CCDC146: variants seen among roughly 807,000 people sequenced by gnomAD.
CCDC146 encodes the protein coiled-coil domain containing 146.
In CCDC146, 92 loss-of-function variants were observed where a neutral mutation model predicts 119.3. That is an observed-to-expected ratio of 0.77 (90% CI 0.65 to 0.92). The LOEUF is 0.92. Ranked by LOEUF, CCDC146 falls within the 40% of genes least tolerant of loss-of-function variation. The pLI is 0.00. For synonymous variants in CCDC146, 372 were observed against 371.8 expected, an observed-to-expected ratio of 1.00 and a Z score of -0.01; for missense variants, 1,000 against 1,103.0, an observed-to-expected ratio of 0.91 and a Z score of 1.32.
intron 9 of CCDC146, among the ~76,000 whole-genome samples, chr7:77,265,394 A>C (rs1023260185): frequency 1.3e-5 from 2 of 152,358 alleles, no homozygotes; most frequent in East Asian, 3.9e-4. Flanking sequence ...TAGTAAGTAA[A>C]GTTAATCCAT....
At chr7:77,189,687 C>A (rs1245725872) in intron 2 of CCDC146, among the ~76,000 whole-genome samples, 1 of 152,310 alleles carries the variant, frequency 6.6e-6, no homozygotes, top group East Asian at 1.9e-4. Context: ...TCTCACCACC[C>A]CAGACCCTCT....
chr7:77,199,639 G>A, intron 2 of CCDC146: 1 of 1,614,086 alleles, frequency 6.2e-7, no homozygotes, highest in Admixed American at 1.7e-5. Flanking sequence ...GCACTCCCCT[G>A]CCTCTTCGCA....
At chr7:77,124,074 A>G (rs1024605301) in intron 1 of CCDC146, among the ~76,000 whole-genome samples, 4 of 152,242 alleles carry the variant, frequency 2.6e-5, no homozygotes, top group African/African-American at 7.2e-5. Context: ...GAAACACTAG[A>G]CATTTTTAGA....
intron 1 of CCDC146, among the ~76,000 whole-genome samples, chr7:77,146,874 G>C (rs1465233774): frequency 6.6e-6 from 1 of 152,128 alleles, no homozygotes; most frequent in Non-Finnish European, 1.5e-5. Flanking sequence ...TGGTGAATCT[G>C]ACAATTATGT....
In CCDC146 at chr7:77,293,071, A is replaced by C. The variant is rs1793979825; in HGVS notation, c.2535A>C (p.Glu845Asp). The stretch of plus-strand genomic sequence containing the variant: ...TCCAAAAGGAAGTCAGGGAGAAAGA[A>C]GACTTCATCTTCACTTGCAATTCCA... ...IELQKEVREK[E>D]DFIFTCNSRI... The change falls in exon 18 of 19, where the codon GAA (glutamate) becomes GAC (aspartate). Residue 845 changes from glutamate (E) to aspartate (D), a missense_variant. This residue lies in a region of CCDC146 where 985 missense variants were observed against 1,045.3 expected (regional missense o/e 0.94). Coordinates refer to ENST00000285871, the MANE Select transcript of CCDC146 (RefSeq NM_020879.3). The C allele has an allele frequency of 6.2e-7, 1 of 1,614,096 alleles. No individual in the cohort carries two copies. Among genetic ancestry groups the C allele is most frequent in the African/African-American group, 1.3e-5 (1 of 74,938 alleles).
At chr7:77,178,814 T>A (rs1795319969) in intron 2 of CCDC146, among the ~76,000 whole-genome samples, 1 of 152,238 alleles carries the variant, frequency 6.6e-6, no homozygotes, top group Non-Finnish European at 1.5e-5. Flanking sequence ...GGAAAGCTCG[T>A]GGCTCTTAGG....
rs372638071 is a variant in CCDC146 at position 77,294,685 on chromosome 7, G to A, written c.2687G>A (p.Arg896His). The change falls in exon 19 of 19, where the codon CGC becomes CAC. Residue 896 changes from arginine to histidine, a missense_variant. Arg to His is a conservative substitution (Grantham distance 29, BLOSUM62 0). This residue lies in a region of CCDC146 where 985 missense variants were observed against 1,045.3 expected (regional missense o/e 0.94). Coordinates refer to ENST00000285871, the MANE Select transcript of CCDC146 (RefSeq NM_020879.3). ...KSQEFLEADNRQLPNGVYTTA... is the reference protein window; with the variant it reads ...KSQEFLEADNHQLPNGVYTTA... ...CAGGAGTTCTTGGAAGCAGATAATC[G>A]CCAGCTGCCCAATGGTGTTTACACA... 148 of 1,613,970 alleles carry A rather than the reference G, an allele frequency of 9.2e-5. No homozygotes were observed. The highest frequency in any genetic ancestry group is 1.1e-4 in the Non-Finnish European group (133 of 1,180,008).
intron 2 of CCDC146, among the ~76,000 whole-genome samples, chr7:77,201,387 C>CA (rs56093311): frequency 4.1e-3 from 542 of 133,306 alleles, no homozygotes; most frequent in Non-Finnish European, 6.0e-3. Context: ...ACTAAAAATA[C>CA]AAAAAAAAAA....
chr7:77,199,871 C>T (rs1241641077), intron 2 of CCDC146: 47 of 1,504,506 alleles, frequency 3.1e-5, no homozygotes, highest in Non-Finnish European at 4.0e-5. Flanking sequence ...CTGAGTCAGG[C>T]TTTCTGTGTT....
chr7:77,148,976 CTACTT>C (rs757501101), intron 1 of CCDC146, among the ~76,000 whole-genome samples: 12 of 152,140 alleles, frequency 7.9e-5, no homozygotes, highest in Non-Finnish European at 1.8e-4. Context: ...TTAGAAAAAA[CTACTT>C]TAATTTATAT....
chr7:77,199,626 G>A lies in CCDC146; in HGVS notation c.156+31802G>A, dbSNP rs777016783. On this transcript the variant is annotated intron_variant, in intron 2 of 18. Transcript: ENST00000285871. The stretch of plus-strand genomic sequence containing the variant: ...TCAAGGGGGGCAGGCTTACCTGGTA[G>A]GGGCACTCCCCTGCCTCTTCGCATT... 7.1e-5 allele frequency: 114 copies of A among 1,614,006 alleles called. 3 individuals carry two copies. The South Asian group carries it at 8.7e-4, about 12-fold the overall frequency.
At chr7:77,256,189 A>G (rs1467649753) in intron 5 of CCDC146, 144 bp from the exon 6 acceptor site, 8 of 582,422 alleles carry the variant, frequency 1.4e-5, no homozygotes, top group African/African-American at 1.9e-5. Flanking sequence ...TTTATGAGAA[A>G]TCATTTAACC....
intron 1 of CCDC146, among the ~76,000 whole-genome samples, chr7:77,165,794 G>A (rs1371308388): frequency 6.6e-6 from 1 of 152,066 alleles, no homozygotes; most frequent in Non-Finnish European, 1.5e-5. Flanking sequence ...AACTTTTTTA[G>A]TAAAATATTA....
rs1792072828 is a variant in CCDC146 at position 77,205,941 on chromosome 7, G to A, written c.157-31006G>A. On this transcript the variant is annotated intron_variant, in intron 2 of 18. Transcript: ENST00000285871. Reference sequence around the variant, plus strand: ...AAAAGCACAAGAATGTGAAAAACATGGCACTAATTAAATAGACTGCAAAGT... The same window carrying A: ...AAAAGCACAAGAATGTGAAAAACATAGCACTAATTAAATAGACTGCAAAGT... Among the ~76,000 whole-genome samples, 5 of 152,082 alleles carry A rather than the reference G, an allele frequency of 3.3e-5. No individual in the cohort carries two copies. In the South Asian group the frequency reaches 1.0e-3, roughly 32 times the overall value.
At chr7:77,166,571 A>G (rs1427122233) in intron 1 of CCDC146, among the ~76,000 whole-genome samples, 1 of 151,754 alleles carries the variant, frequency 6.6e-6, no homozygotes, top group Non-Finnish European at 1.5e-5. Context: ...ATGATCAATC[A>G]AGATATTACA....
rs368687438 is a variant in CCDC146 at position 77,196,250 on chromosome 7, C to T, written c.156+28426C>T. 2,309 of 1,530,310 alleles carry T rather than the reference C, an allele frequency of 1.5e-3. 1 individual carries two copies. Among genetic ancestry groups the T allele is most frequent in the Non-Finnish European group, 1.7e-3 (1,863 of 1,117,918 alleles). The allele number at this position is 1,530,310 out of a possible 1,614,324, so 94.8% of individuals were successfully genotyped here. ...AGGAATTAATTGCCCTATTAGATAA[C>T]GAATACCTGGAGGAATGAACAGAGT... On this transcript the variant is annotated intron_variant, in intron 2 of 18. Transcript: ENST00000285871. This position sits in a 1 kb window ranked among gnomAD's most constrained non-coding sequence, Gnocchi z 4.2.
At chr7:77,260,593 C>T (rs1175777190) in intron 8 of CCDC146, among the ~76,000 whole-genome samples, 3 of 152,138 alleles carry the variant, frequency 2.0e-5, no homozygotes, top group Admixed American at 6.6e-5. Context: ...GAAGCAATTT[C>T]GTGGTGTAAT....
chr7:77,161,207 A>G (rs1791256282), intron 1 of CCDC146, among the ~76,000 whole-genome samples: 1 of 152,148 alleles, frequency 6.6e-6, no homozygotes. Context: ...AACTAGTTCA[A>G]CCATTGTGGA....
At chr7:77,166,073 TA>T (rs1791333852) in intron 1 of CCDC146, among the ~76,000 whole-genome samples, 1 of 152,190 alleles carries the variant, frequency 6.6e-6, no homozygotes, top group African/African-American at 2.4e-5. Flanking sequence ...TAATTGAACA[TA>T]CAACAATAGA....
Sources: gnomAD v4.1 joint callset for allele counts (sites outside exome capture counted in the v4.1 genomes callset) on GRCh38, gnomAD v4.1.1 for gene constraint, gnomAD v4.1.1 regional missense constraint, Gnocchi (gnomAD v3.1) non-coding constraint, MANE v1.5 for transcripts, NCBI Gene and HGNC (gene_info 2026-07-23, HGNC 2026-07-21) for gene names.